Variants in CFAP47 observed in about 807,000 individuals in gnomAD.
CFAP47 encodes the protein cilia- and flagella-associated protein 47.
A neutral mutation model predicts 148.1 loss-of-function variants in CFAP47; 29 were observed. That is an observed-to-expected ratio of 0.20 (90% CI 0.15 to 0.27). The LOEUF (loss-of-function observed/expected upper bound fraction) is 0.27. CFAP47 is among the 10% of genes least tolerant of loss of function. CFAP47 has a pLI of 1.00. For synonymous variants in CFAP47, 664 were observed against 577.3 expected, an observed-to-expected ratio of 1.15 and a Z score of -2.15; for missense variants, 1,872 against 1,697.5, an observed-to-expected ratio of 1.10 and a Z score of -1.81.
rs1245832413 is a variant in CFAP47 at position 36,375,229 on chromosome X, C to T, written c.9186-4121C>T. ...GCGGAAAGAGAATGGGAGGGGAGAG[C>T]GCACGCAGTTATGGGAACAAGATAT... On this transcript the variant is annotated intron_variant, in intron 62 of 63. Transcript: ENST00000378653. 7 of 227,622 alleles carry T rather than the reference C, an allele frequency of 3.1e-5. No homozygotes were observed. In the East Asian group the frequency reaches 4.4e-4, roughly 14 times the overall value. 18.8% of individuals were successfully genotyped at this position (227,622 alleles called of 1,213,427 possible).
chrX:36,191,481 A>G (rs1264321682), intron 42 of CFAP47, among the ~76,000 whole-genome samples: 1 of 112,061 alleles, frequency 8.9e-6, no homozygotes, highest in Non-Finnish European at 1.9e-5. Flanking sequence ...ATTAAAATAA[A>G]ACAACAATCT....
chrX:36,287,245 T>A (rs782161951), intron 51 of CFAP47, among the ~76,000 whole-genome samples: 1 of 111,913 alleles, frequency 8.9e-6, no homozygotes, highest in South Asian at 3.7e-4. Context: ...TACTTTTGAA[T>A]AATGGCCCTT....
intron 26 of CFAP47, among the ~76,000 whole-genome samples, chrX:36,057,751 T>C (rs1290447234): frequency 9.0e-6 from 1 of 111,417 alleles, no homozygotes; most frequent in African/African-American, 3.3e-5. Context: ...CTCAGGCTTA[T>C]TACAATTTAA....
Position 36,175,269 on chromosome X carries a change from A to G in CFAP47, c.6027-4076A>G, listed in dbSNP as rs72611229. 3.6e-5 allele frequency among the ~76,000 whole-genome samples: 4 copies of G among 111,728 alleles called. No homozygotes were observed. In the South Asian group the frequency reaches 1.1e-3, roughly 31 times the overall value. On this transcript the variant is annotated intron_variant, in intron 39 of 63. Coordinates refer to ENST00000378653, the MANE Select transcript of CFAP47 (RefSeq NM_001304548.2). ...GAATGTCCTCCCATAGCTCAGAGCA[A>G]TTTGATCGTCTGAAGCCTTCTTCTC...
At chrX:36,203,056 C>A (rs1376421906) in intron 44 of CFAP47, among the ~76,000 whole-genome samples, 2 of 111,047 alleles carry the variant, frequency 1.8e-5, no homozygotes, top group Non-Finnish European at 3.8e-5. Flanking sequence ...ATCAATACAG[C>A]CTAATCCCAG....
Position 36,133,684 on chromosome X carries a change from G to A in CFAP47, c.5321-4274G>A, listed in dbSNP as rs530067790. Among the ~76,000 whole-genome samples the A allele has an allele frequency of 2.7e-5, 3 of 109,680 alleles. No homozygotes were observed. In the South Asian group the frequency reaches 1.2e-3, roughly 43 times the overall value. ...CAATGAAATTTGAACATGAGATTTA[G>A]AGGGGACATTCAAACCATAGCAATA... is the stretch of plus-strand genomic sequence containing the variant. On this transcript the variant is annotated intron_variant, in intron 33 of 63. Coordinates refer to ENST00000378653, the MANE Select transcript of CFAP47 (RefSeq NM_001304548.2).
chrX:36,069,639 C>T (rs1343784203), intron 27 of CFAP47, among the ~76,000 whole-genome samples: 1 of 110,276 alleles, frequency 9.1e-6, no homozygotes. Flanking sequence ...TATATTTGTC[C>T]TTTAAATTAG....
chrX:36,314,591 C>T (rs1941418690), intron 56 of CFAP47, among the ~76,000 whole-genome samples: 1 of 111,565 alleles, frequency 9.0e-6, no homozygotes, highest in African/African-American at 3.3e-5. Flanking sequence ...TTATGGTTCT[C>T]AATGTACAGA....
At chrX:36,295,359 G>A (rs782375013) in intron 51 of CFAP47, among the ~76,000 whole-genome samples, 3 of 112,299 alleles carry the variant, frequency 2.7e-5, no homozygotes, top group Non-Finnish European at 5.6e-5. Flanking sequence ...TTTTTATAGC[G>A]TATTCACAGA....
At chrX:35,944,453 A>G in intron 3 of CFAP47, among the ~76,000 whole-genome samples, 1 of 112,084 alleles carries the variant, frequency 8.9e-6, no homozygotes, top group South Asian at 3.7e-4. Flanking sequence ...TAAACCCAGA[A>G]GGAACCTGTT....
At chrX:36,230,704 G>A (rs1187537771) in intron 46 of CFAP47, among the ~76,000 whole-genome samples, 2 of 109,502 alleles carry the variant, frequency 1.8e-5, no homozygotes, top group Non-Finnish European at 3.8e-5. Flanking sequence ...GTCCTGAATG[G>A]TAATGCCTAG....
chrX:36,282,556 C>A (rs1182033786), intron 50 of CFAP47, among the ~76,000 whole-genome samples: 1 of 111,403 alleles, frequency 9.0e-6, no homozygotes, highest in Admixed American at 9.5e-5. Flanking sequence ...TACTCTCAGA[C>A]AGAATTAACT....
At position 35,926,186 on chromosome X, in the gene CFAP47, T is replaced by G; in HGVS notation, c.401+18T>G. On this transcript the variant is annotated intron_variant, in intron 2 of 63. Transcript: ENST00000378653. ...CTAATTGGGTATGTAATCTTCATAGTTCATGCTGACATTTTGAATACTCTT... is the reference window on the plus strand; with the variant it reads ...CTAATTGGGTATGTAATCTTCATAGGTCATGCTGACATTTTGAATACTCTT... The G allele has an allele frequency of 8.8e-7, 1 of 1,140,246 alleles. No individual in the cohort carries two copies. Among genetic ancestry groups the G allele is most frequent in the Non-Finnish European group, 1.2e-6 (1 of 841,330 alleles). The allele number at this position is 1,140,246 out of a possible 1,213,427, so 94.0% of individuals were successfully genotyped here. A position where few individuals can be genotyped will look rare whatever the true frequency, so the allele number is the denominator to read the frequency against.
chrX:36,255,220 G>A (rs1347319261), intron 49 of CFAP47, among the ~76,000 whole-genome samples: 1 of 112,395 alleles, frequency 8.9e-6, no homozygotes, highest in Non-Finnish European at 1.9e-5. Flanking sequence ...GAGAAATAAA[G>A]AGGGAAAATG....
At chrX:36,163,949 A>T (rs1939460285) in intron 39 of CFAP47, among the ~76,000 whole-genome samples, 1 of 111,755 alleles carries the variant, frequency 8.9e-6, no homozygotes, top group South Asian at 3.7e-4. Flanking sequence ...TTTCTTGCTA[A>T]CCCACCAGTT....
At chrX:35,943,976 A>T (rs191339793) in intron 3 of CFAP47, among the ~76,000 whole-genome samples, 1 of 111,109 alleles carries the variant, frequency 9.0e-6, no homozygotes, top group Non-Finnish European at 1.9e-5. Context: ...TCAAATTCCT[A>T]AGTGAGAGCC....
At chrX:36,111,034 A>C (rs1452777134) in intron 33 of CFAP47, among the ~76,000 whole-genome samples, 1 of 111,708 alleles carries the variant, frequency 9.0e-6, no homozygotes, top group Non-Finnish European at 1.9e-5. Context: ...TACATATAGA[A>C]TCGTGTTGTC....
intron 33 of CFAP47, among the ~76,000 whole-genome samples, chrX:36,135,101 G>A (rs974375925): frequency 4.5e-5 from 5 of 110,529 alleles, no homozygotes; most frequent in Non-Finnish European, 9.5e-5. Flanking sequence ...ATGCCAAGGC[G>A]TAAGAATGAT....
chrX:36,110,228 G>T (rs759155957), intron 33 of CFAP47, among the ~76,000 whole-genome samples: 94 of 111,451 alleles, frequency 8.4e-4, no homozygotes, highest in African/African-American at 3.0e-3. Flanking sequence ...TTGTCCTCCA[G>T]GGTTTTTATA....
Sources: allele counts gnomAD v4.1 joint callset (sites outside exome capture counted in the v4.1 genomes callset), GRCh38; gene constraint gnomAD v4.1.1; transcripts MANE v1.5; gene names NCBI Gene and HGNC (gene_info 2026-07-23, HGNC 2026-07-21).